Variants in STAC observed in about 807,000 individuals in gnomAD.
The protein encoded by STAC is SH3 and cysteine-rich domain-containing protein.
STAC carries 43 observed loss-of-function variants against 48.8 expected under a neutral mutation model. The observed-to-expected ratio is 0.88, with a 90% CI of 0.69 to 1.14. The LOEUF (loss-of-function observed/expected upper bound fraction) is 1.14, where lower values mean the gene tolerates loss of function less well. Ranked by LOEUF, STAC falls within the 50% of genes most tolerant of loss-of-function variation. The pLI is 0.00. For missense variants in STAC, 497 were observed against 504.0 expected (o/e 0.99, Z 0.13); for synonymous variants, 193 against 179.5 (o/e 1.07, Z -0.60).
intron 1 of STAC, among the ~76,000 whole-genome samples, chr3:36,436,777 G>A (rs148805789): frequency 0.01 from 1,546 of 152,138 alleles, 13 homozygotes; most frequent in South Asian, 0.034. Flanking sequence ...TGACAAATGG[G>A]ACCTAATTAA....
At chr3:36,503,508 G>A (rs1698327118) in intron 6 of STAC, among the ~76,000 whole-genome samples, 1 of 152,036 alleles carries the variant, frequency 6.6e-6, no homozygotes, top group Admixed American at 6.6e-5. Context: ...TTACCTTACT[G>A]CAACCTCCAC....
intron 10 of STAC, among the ~76,000 whole-genome samples, chr3:36,545,015 A>G (rs567862063): frequency 1.3e-4 from 20 of 152,336 alleles, no homozygotes; most frequent in African/African-American, 4.6e-4. Context: ...CTTCTTCTAC[A>G]TGATGGAAGA....
intron 1 of STAC, among the ~76,000 whole-genome samples, chr3:36,424,658 T>A (rs931147828): frequency 6.6e-6 from 1 of 152,060 alleles, no homozygotes; most frequent in African/African-American, 2.4e-5. Flanking sequence ...AAATACAAGA[T>A]AAGCCTGGAA....
Position 36,534,893 on chromosome 3 carries a change from T to G in STAC, c.1110+5908T>G, listed in dbSNP as rs543573886. On this transcript the variant is annotated intron_variant, in intron 10 of 10. Transcript: ENST00000273183. ...GTTGCTCAGGCTGGTCTCGAAGTCC[T>G]AGACTCAAGTGATCCCCAGCCTCCC... Among the ~76,000 whole-genome samples, 253 of 152,242 alleles carry G rather than the reference T, an allele frequency of 1.7e-3. No homozygotes were observed. The Middle Eastern group carries it at 0.024, about 14-fold the overall frequency.
At chr3:36,498,848 T>C (rs1410962706) in intron 6 of STAC, among the ~76,000 whole-genome samples, 1 of 152,092 alleles carries the variant, frequency 6.6e-6, no homozygotes, top group Non-Finnish European at 1.5e-5. Context: ...ACACCATTAC[T>C]CAAATTTAGA....
chr3:36,529,215 CA>C, intron 10 of STAC: 2 of 300,316 alleles, frequency 6.7e-6, no homozygotes, highest in South Asian at 8.4e-5. Context: ...GTGATAGTGG[CA>C]GGCGACGACA....
At chr3:36,543,234 T>C (rs1315152558) in intron 10 of STAC, among the ~76,000 whole-genome samples, 1 of 152,178 alleles carries the variant, frequency 6.6e-6, no homozygotes, top group African/African-American at 2.4e-5. Context: ...TGCCTCTAAA[T>C]GAATGGAAAT....
chr3:36,473,332 T>A (rs964069037), intron 2 of STAC, among the ~76,000 whole-genome samples: 6 of 152,234 alleles, frequency 3.9e-5, no homozygotes, highest in African/African-American at 1.4e-4. Context: ...TTATCTGAGG[T>A]CATGCCTGAT....
At position 36,494,997 on chromosome 3, in the gene STAC, C is replaced by A. The variant is rs190828873; in HGVS notation, c.766+1768C>A. 6.7e-3 allele frequency among the ~76,000 whole-genome samples: 1,021 copies of A among 152,294 alleles called. 6 individuals are homozygous for A. The highest frequency in any genetic ancestry group is 0.01 in the Non-Finnish European group (685 of 68,028). ...GTCTGACCTCTGCTTTCCCCTTTCC[C>A]CTGACACTCTTCTCATCAACATCAC... On this transcript the variant is annotated intron_variant, in intron 6 of 10. Coordinates refer to ENST00000273183, the MANE Select transcript of STAC (RefSeq NM_003149.3).
chr3:36,534,458 G>A (rs1171630925), intron 10 of STAC, among the ~76,000 whole-genome samples: 1 of 152,116 alleles, frequency 6.6e-6, no homozygotes, highest in Non-Finnish European at 1.5e-5. Context: ...CTACAAATAT[G>A]AAGAGACAAA....
chr3:36,396,501 T>A (rs889872304), intron 1 of STAC, among the ~76,000 whole-genome samples: 52 of 152,090 alleles, frequency 3.4e-4, no homozygotes, highest in Non-Finnish European at 4.7e-4. Flanking sequence ...TTAGGGGAAA[T>A]TAGTGCTTTC....
chr3:36,495,153 T>A (rs115825849), intron 6 of STAC, among the ~76,000 whole-genome samples: 283 of 152,316 alleles, frequency 1.9e-3, no homozygotes, highest in African/African-American at 6.4e-3. Context: ...TCTCTCTGCT[T>A]CAATCACCTC....
Position 36,505,809 on chromosome 3 carries a change from C to A in STAC, c.895C>A (p.Gln299Lys). The change falls in exon 8 of 11, where the codon CAG becomes AAG. Residue 299 changes from glutamine to lysine, a missense_variant. Gln to Lys is a moderately conservative substitution (Grantham distance 53). Transcript: ENST00000273183. ...TGTTGCCTTGTACAAATTTGTACCACAGGAGAATGAAGATTTGGAAATGAG... is the reference window on the plus strand; with the variant it reads ...TGTTGCCTTGTACAAATTTGTACCAAAGGAGAATGAAGATTTGGAAATGAG... ...TYVALYKFVP[Q>K]ENEDLEMRPG... The A allele has an allele frequency of 6.2e-7, 1 of 1,603,838 alleles. No individual in the cohort carries two copies. The highest frequency in any genetic ancestry group is 2.2e-5 in the East Asian group (1 of 44,454).
At chr3:36,412,369 T>G (rs1466699683) in intron 1 of STAC, among the ~76,000 whole-genome samples, 1 of 152,148 alleles carries the variant, frequency 6.6e-6, no homozygotes, top group Non-Finnish European at 1.5e-5. Context: ...TGGCCAAAAC[T>G]GTCACATGGC....
chr3:36,449,594 A>G (rs2125673248), intron 2 of STAC, among the ~76,000 whole-genome samples: 1 of 152,290 alleles, frequency 6.6e-6, no homozygotes, highest in Middle Eastern at 3.4e-3. Context: ...GTCTGCTATT[A>G]TTTTTCTGAA....
intron 10 of STAC, 50 bp from the exon 11 acceptor site, chr3:36,546,141 G>T: frequency 6.6e-7 from 1 of 1,523,956 alleles, no homozygotes; most frequent in Non-Finnish European, 9.1e-7. Context: ...TTCTAACTTC[G>T]TTCTTGCTGA....
intron 1 of STAC, among the ~76,000 whole-genome samples, chr3:36,402,186 C>T (rs1207112859): frequency 2.6e-5 from 4 of 151,860 alleles, no homozygotes; most frequent in East Asian, 1.9e-4. Context: ...AACTTCTATT[C>T]CCTACAAAGC....
chr3:36,484,883 T>C lies in STAC; in HGVS notation c.490-94T>C, dbSNP rs552789257. 7 of 959,762 alleles carry C rather than the reference T, an allele frequency of 7.3e-6. No homozygotes were observed. In the African/African-American group the frequency reaches 1.2e-4, roughly 16 times the overall value. The allele number at this position is 959,762 out of a possible 1,614,324, so 59.5% of individuals were successfully genotyped here. A position where few individuals can be genotyped will look rare whatever the true frequency, so the allele number is the denominator to read the frequency against. ...TTAATGGGAGACAGGAGGGTGCTCCTGGAGAAACCAATTGGTTTTATTTAG... is the reference window on the plus strand; with the variant it reads ...TTAATGGGAGACAGGAGGGTGCTCCCGGAGAAACCAATTGGTTTTATTTAG... On this transcript the variant is annotated intron_variant, in intron 3 of 10. Coordinates refer to ENST00000273183, the MANE Select transcript of STAC (RefSeq NM_003149.3).
At chr3:36,447,311 C>T (rs1465649966) in intron 2 of STAC, among the ~76,000 whole-genome samples, 2 of 152,096 alleles carry the variant, frequency 1.3e-5, no homozygotes, top group Non-Finnish European at 2.9e-5. Flanking sequence ...CCAACACTCA[C>T]AGCACTAGAA....
Sources: gnomAD v4.1 joint callset for allele counts (sites outside exome capture counted in the v4.1 genomes callset) on GRCh38, gnomAD v4.1.1 for gene constraint, MANE v1.5 for transcripts, NCBI Gene and HGNC (gene_info 2026-07-23, HGNC 2026-07-21) for gene names.